The following AWAT2 variants were observed in gnomAD, a reference collection of about 807,000 sequenced individuals.
AWAT2 encodes acyl-CoA wax alcohol acyltransferase 2, also known as 11-cis-RE-synthase.
AWAT2 carries 9 observed loss-of-function variants against 22.3 expected under a neutral mutation model. That is an observed-to-expected ratio of 0.40 (90% CI 0.24 to 0.70). The LOEUF is 0.70. Ranked by LOEUF, AWAT2 falls within the 30% of genes least tolerant of loss-of-function variation. The pLI is 0.36. For missense variants in AWAT2, 217 were observed against 265.9 expected (o/e 0.82, Z 1.28); for synonymous variants, 100 against 93.4 (o/e 1.07, Z -0.40).
intron 1 of AWAT2, among the ~76,000 whole-genome samples, chrX:70,046,138 C>G (rs1411948465): frequency 9.0e-6 from 1 of 111,713 alleles, no homozygotes; most frequent in Non-Finnish European, 1.9e-5. Flanking sequence ...TTTGCCCGTA[C>G]TGAGAGATTG....
chrX:70,045,401 A>C (rs778373446), intron 1 of AWAT2, among the ~76,000 whole-genome samples: 1 of 111,763 alleles, frequency 8.9e-6, no homozygotes, highest in Non-Finnish European at 1.9e-5. Context: ...TGCAAGGGGG[A>C]TGCCTACAAG....
chrX:70,042,386 C>G lies in AWAT2; in HGVS notation c.648G>C (p.Gly216=). The G allele has an allele frequency of 1.7e-6, 2 of 1,209,548 alleles. No homozygotes were observed. Among genetic ancestry groups the G allele is most frequent in the Non-Finnish European group, 2.2e-6 (2 of 893,492 alleles). Residue 216 remains glycine, a splice_region_variant and synonymous_variant, in exon 6 of 8, where the codon GGG becomes GGC. Coordinates refer to ENST00000276101, the MANE Select transcript of AWAT2 (RefSeq NM_001002254.1). ...SGFVRMALQH[G]VPLIPAYAFG... ...AGGCATAGGCAGGTATTAGAGGCAC[C>G]CTGCAGAGCAAAAGCATATCTTCTG...
rs190928105 is a variant in AWAT2 at position 70,046,490 on chromosome X, C to T, written c.86-2028G>A. ...CATGATCTCAGCTCACTGCAACTTCCGCCTCCCGGGTTCAAGCAGTTCTTG... is the reference window on the plus strand; with the variant it reads ...CATGATCTCAGCTCACTGCAACTTCTGCCTCCCGGGTTCAAGCAGTTCTTG... On this transcript the variant is annotated intron_variant, in intron 1 of 7. Coordinates refer to ENST00000276101, the MANE Select transcript of AWAT2 (RefSeq NM_001002254.1). 2.8e-3 allele frequency among the ~76,000 whole-genome samples: 308 copies of T among 108,810 alleles called. 2 individuals are homozygous for T. Among genetic ancestry groups the T allele is most frequent in the African/African-American group, 9.9e-3 (295 of 29,723 alleles). 94.5% of individuals were successfully genotyped at this position (108,810 alleles called of 115,157 possible). A position where few individuals can be genotyped will look rare whatever the true frequency, so the allele number is the denominator to read the frequency against.
chrX:70,045,937 A>C (rs777122094), intron 1 of AWAT2, among the ~76,000 whole-genome samples: 4 of 111,673 alleles, frequency 3.6e-5, no homozygotes, highest in Non-Finnish European at 7.5e-5. Flanking sequence ...CTCTCAGGTC[A>C]TGCATGTACT....
chrX:70,043,280 T>G, intron 4 of AWAT2, 37 bp from the exon 5 acceptor site: 1 of 1,160,712 alleles, frequency 8.6e-7, no homozygotes, highest in Non-Finnish European at 1.2e-6. Flanking sequence ...CACTGGTCAC[T>G]TCCCAAACCC....
chrX:70,042,304 G>A lies in AWAT2; in HGVS notation c.730C>T (p.Arg244Cys), dbSNP rs759785986. Residue 244 changes from arginine (R) to cysteine (C), a missense_variant, in exon 6 of 8, where the codon CGC (arginine) becomes TGC (cysteine). Physicochemically the swap from Arg to Cys is radical, Grantham distance 180. Coordinates refer to ENST00000276101, the MANE Select transcript of AWAT2 (RefSeq NM_001002254.1). ...HIFTPGGFVN[R>C]FQKWFQSMVH... Reference sequence around the variant, plus strand: ...ATGCTCTGGAACCACTTCTGGAAGCGGTTGACAAAGCCACCAGGAGTGAAA... The same window carrying A: ...ATGCTCTGGAACCACTTCTGGAAGCAGTTGACAAAGCCACCAGGAGTGAAA... 1.7e-5 allele frequency: 20 copies of A among 1,211,676 alleles called. No homozygotes were observed. The East Asian group carries it at 4.1e-4, about 25-fold the overall frequency.
intron 1 of AWAT2, among the ~76,000 whole-genome samples, chrX:70,049,175 C>T (rs949340667): frequency 2.4e-4 from 27 of 111,800 alleles, no homozygotes; most frequent in Non-Finnish European, 4.7e-4. Flanking sequence ...GGCCTATCTG[C>T]ATTCTTTATT....
At position 70,049,717 on chromosome X, in the gene AWAT2, T is replaced by C. The variant is rs62604276; in HGVS notation, c.85+131A>G. 3.9e-3 allele frequency: 3,029 copies of C among 773,909 alleles called. 4 individuals carry two copies. The highest frequency in any genetic ancestry group is 4.6e-3 in the Non-Finnish European group (2,417 of 527,979). The allele number at this position is 773,909 out of a possible 1,213,427, so 63.8% of individuals were successfully genotyped here. A position where few individuals can be genotyped will look rare whatever the true frequency, so the allele number is the denominator to read the frequency against. ...TGGCCAGGTGGGTCAGGCCAGAGGCTGGTGTTACCAACCTTCCTGGTTTTA... is the reference window on the plus strand; with the variant it reads ...TGGCCAGGTGGGTCAGGCCAGAGGCCGGTGTTACCAACCTTCCTGGTTTTA... On this transcript the variant is annotated intron_variant, in intron 1 of 7. Coordinates refer to ENST00000276101, the MANE Select transcript of AWAT2 (RefSeq NM_001002254.1).
chrX:70,044,509 A>G, intron 1 of AWAT2, 47 bp from the exon 2 acceptor site: 1 of 1,187,970 alleles, frequency 8.4e-7, no homozygotes, highest in Non-Finnish European at 1.1e-6. Context: ...GCAGTCCCTC[A>G]CACTTACCCT....
intron 1 of AWAT2, among the ~76,000 whole-genome samples, chrX:70,047,411 A>C (rs988796130): frequency 8.9e-6 from 1 of 111,997 alleles, no homozygotes; most frequent in Non-Finnish European, 1.9e-5. Flanking sequence ...CTTCTTTGAG[A>C]AGTAAAGAGA....
At chrX:70,047,323 G>T (rs948296819) in intron 1 of AWAT2, among the ~76,000 whole-genome samples, 2 of 112,619 alleles carry the variant, frequency 1.8e-5, no homozygotes, top group Non-Finnish European at 3.8e-5. Context: ...GAAAAGCACT[G>T]CCTTGGGAAA....
chrX:70,042,447 A>T, intron 5 of AWAT2, 61 bp from the exon 6 acceptor site: 1 of 1,078,208 alleles, frequency 9.3e-7, no homozygotes, highest in Non-Finnish European at 1.3e-6. Flanking sequence ...CGAATGCCAG[A>T]CACGCTGACG....
intron 1 of AWAT2, among the ~76,000 whole-genome samples, chrX:70,045,339 G>T (rs1037587176): frequency 8.9e-6 from 1 of 112,257 alleles, no homozygotes; most frequent in African/African-American, 3.2e-5. Flanking sequence ...TAGGAAAGCA[G>T]ATGGAAGAGT....
At chrX:70,042,769 G>A in intron 5 of AWAT2, 1 of 403,161 alleles carries the variant, frequency 2.5e-6, no homozygotes, top group Non-Finnish European at 4.3e-6. Flanking sequence ...AGGCTGGTGT[G>A]AGGGAGAACA....
At position 70,041,078 on chromosome X, in the gene AWAT2, G is replaced by A. The variant is rs1602628914; in HGVS notation, c.*580C>T. On this transcript the variant is annotated 3_prime_UTR_variant, in exon 8 of 8. Coordinates refer to ENST00000276101, the MANE Select transcript of AWAT2 (RefSeq NM_001002254.1). ...TGAGTGAGGGCTAGTGGGTAGCAGA[G>A]GGTATTTCGGGCGTTGTTTGCTCAG... The A allele has an allele frequency of 8.9e-6, 1 of 112,600 alleles. No homozygotes were observed. Among genetic ancestry groups the A allele is most frequent in the Middle Eastern group, 4.6e-3 (1 of 218 alleles). The allele number at this position is 112,600 out of a possible 1,213,427, so 9.3% of individuals were successfully genotyped here.
intron 4 of AWAT2, 56 bp downstream of exon 4, chrX:70,043,422 A>G: frequency 2.7e-6 from 3 of 1,104,866 alleles, no homozygotes; most frequent in Non-Finnish European, 3.7e-6. Flanking sequence ...TCCCCCTACA[A>G]TTCTCCCTTG....
Position 70,042,457 on chromosome X carries a change from G to A in AWAT2, c.648-71C>T, listed in dbSNP as rs188078036. The A allele has an allele frequency of 6.4e-5, 66 of 1,028,867 alleles. No individual in the cohort carries two copies. The African/African-American group carries it at 8.8e-4, about 14-fold the overall frequency. The allele number at this position is 1,028,867 out of a possible 1,213,427, so 84.8% of individuals were successfully genotyped here. On this transcript the variant is annotated intron_variant, in intron 5 of 7. Transcript: ENST00000276101. ...CTTGTCGAATGCCAGACACGCTGAC[G>A]GCGCATGATCCCTGGGTCTGCCTAC...
chrX:70,047,212 A>G (rs939563502), intron 1 of AWAT2, among the ~76,000 whole-genome samples: 2 of 112,411 alleles, frequency 1.8e-5, no homozygotes, highest in African/African-American at 6.5e-5. Flanking sequence ...CTCATCTTCC[A>G]TATTAGGAAG....
chrX:70,046,548 G>C (rs1165514828), intron 1 of AWAT2, among the ~76,000 whole-genome samples: 1 of 110,628 alleles, frequency 9.0e-6, no homozygotes, highest in Non-Finnish European at 1.9e-5. Context: ...AGGATTACAG[G>C]TGCACGCCAC....
Sources: allele counts gnomAD v4.1 joint callset (sites outside exome capture counted in the v4.1 genomes callset), GRCh38; gene constraint gnomAD v4.1.1; transcripts MANE v1.5; gene names NCBI Gene and HGNC (gene_info 2026-07-23, HGNC 2026-07-21).